The following FHOD3 variants were observed in gnomAD, a reference collection of about 807,000 sequenced individuals.
The protein encoded by FHOD3 is formin homology 2 domain containing 3.
Under a neutral mutation model 173.0 loss-of-function variants are expected in FHOD3, and 90 were observed. That is an observed-to-expected ratio of 0.52 (90% CI 0.44 to 0.62). The LOEUF (loss-of-function observed/expected upper bound fraction) is 0.62, where lower values mean the gene tolerates loss of function less well. FHOD3 is among the 20% of genes least tolerant of loss of function. FHOD3 has a pLI of 0.00. For missense variants in FHOD3, 1,945 were observed against 2,034.7 expected, an observed-to-expected ratio of 0.96 and a Z score of 0.85; for synonymous variants, 828 against 823.0, an observed-to-expected ratio of 1.01 and a Z score of -0.10.
intron 1 of FHOD3, among the ~76,000 whole-genome samples, chr18:36,350,304 C>G (rs915828208): frequency 6.6e-6 from 1 of 152,186 alleles, no homozygotes; most frequent in East Asian, 1.9e-4. Flanking sequence ...AACACCCTGC[C>G]TCCCACCAGA....
At chr18:36,369,440 AACACACACACACACACACACACACACAC>A (rs59109469) in intron 2 of FHOD3, among the ~76,000 whole-genome samples, 17 of 94,220 alleles carry the variant, frequency 1.8e-4, no homozygotes, top group East Asian at 7.1e-4. Flanking sequence ...ATTTTATTTA[AACACACACACACACACACACACACACAC>A]ACACACACAC....
chr18:36,427,806 A>G (rs1273496931), intron 3 of FHOD3, among the ~76,000 whole-genome samples: 2 of 152,244 alleles, frequency 1.3e-5, no homozygotes, highest in African/African-American at 4.8e-5. Context: ...TTCCACAAAA[A>G]TGTGATACAT....
chr18:36,650,039 G>T (rs1314273277), intron 11 of FHOD3, among the ~76,000 whole-genome samples: 1 of 152,072 alleles, frequency 6.6e-6, no homozygotes, highest in Non-Finnish European at 1.5e-5. Flanking sequence ...ACAGACATGG[G>T]CACCTTGCAG....
intron 3 of FHOD3, among the ~76,000 whole-genome samples, chr18:36,413,945 C>A (rs2049492681): frequency 6.6e-6 from 1 of 152,170 alleles, no homozygotes; most frequent in Admixed American, 6.5e-5. Flanking sequence ...AACCTCTAAT[C>A]TACCTTATGT....
intron 3 of FHOD3, among the ~76,000 whole-genome samples, chr18:36,444,331 A>G (rs1247075090): frequency 1.3e-5 from 2 of 151,868 alleles, no homozygotes; most frequent in Non-Finnish European, 2.9e-5. Flanking sequence ...TTTATTTGTA[A>G]TACAGTTAGA....
At chr18:36,430,220 A>G (rs1416116503) in intron 3 of FHOD3, among the ~76,000 whole-genome samples, 2 of 152,188 alleles carry the variant, frequency 1.3e-5, no homozygotes, top group East Asian at 1.9e-4. Context: ...CAAATAAGCC[A>G]GATTTTGTTT....
At chr18:36,671,365 G>A (rs1264089171) in intron 14 of FHOD3, among the ~76,000 whole-genome samples, 2 of 152,248 alleles carry the variant, frequency 1.3e-5, no homozygotes, top group African/African-American at 2.4e-5. Context: ...CATCTCTCAG[G>A]AATCACTGGC....
intron 7 of FHOD3, among the ~76,000 whole-genome samples, chr18:36,597,790 C>A (rs545401617): frequency 1.3e-4 from 19 of 149,420 alleles, no homozygotes; most frequent in Admixed American, 6.7e-4. Context: ...CTGTCTGCTG[C>A]TGAGCACTAG....
Position 36,779,637 on chromosome 18 carries a change from T to A in FHOD3, c.*107T>A. ...GACTTGATATTCACATCCAACAGTT[T>A]GAAAAGGGAGAGCTCAATTCCCAGC... On this transcript the variant is annotated 3_prime_UTR_variant, in exon 29 of 29. Coordinates refer to ENST00000590592, the MANE Select transcript of FHOD3 (RefSeq NM_001281740.3). 1 of 962,992 alleles carries A rather than the reference T, an allele frequency of 1.0e-6. No homozygotes were observed. The highest frequency in any genetic ancestry group is 1.6e-6 in the Non-Finnish European group (1 of 615,808). The allele number at this position is 962,992 out of a possible 1,614,324, so 59.7% of individuals were successfully genotyped here.
At chr18:36,589,431 C>T (rs1568463123) in intron 6 of FHOD3, among the ~76,000 whole-genome samples, 1 of 152,162 alleles carries the variant, frequency 6.6e-6, no homozygotes, top group Non-Finnish European at 1.5e-5. Context: ...GAACAGGACC[C>T]CAAAAGCCAT....
intron 5 of FHOD3, 128 bp from the exon 6 acceptor site, chr18:36,576,323 T>C (rs1340315471): frequency 3.7e-6 from 2 of 542,292 alleles, no homozygotes; most frequent in African/African-American, 4.0e-5. Context: ...GCTCAGGAAT[T>C]CTCCTCAGAT....
At chr18:36,680,929 A>T (rs60350277) in intron 14 of FHOD3, among the ~76,000 whole-genome samples, 11 of 152,310 alleles carry the variant, frequency 7.2e-5, no homozygotes, top group South Asian at 2.1e-4. Context: ...CACTTTTTTT[A>T]AAATTTTAGA....
At chr18:36,763,972 G>A (rs1376158299) in intron 27 of FHOD3, among the ~76,000 whole-genome samples, 1 of 152,160 alleles carries the variant, frequency 6.6e-6, no homozygotes, top group East Asian at 1.9e-4. Flanking sequence ...ATGTGGAATT[G>A]GGAGAAGAAA....
intron 1 of FHOD3, among the ~76,000 whole-genome samples, chr18:36,349,906 C>T (rs2046039663): frequency 6.6e-6 from 1 of 152,124 alleles, no homozygotes; most frequent in Non-Finnish European, 1.5e-5. Flanking sequence ...GCTGGGATTA[C>T]AGGTGTGTCA....
intron 7 of FHOD3, among the ~76,000 whole-genome samples, chr18:36,602,326 C>A (rs1314106070): frequency 6.6e-6 from 1 of 152,090 alleles, no homozygotes; most frequent in African/African-American, 2.4e-5. Context: ...AGAGTACTTA[C>A]CAAGAGTTTT....
intron 1 of FHOD3, among the ~76,000 whole-genome samples, chr18:36,335,141 G>C (rs1035848779): frequency 1.3e-5 from 2 of 152,190 alleles, no homozygotes; most frequent in Non-Finnish European, 2.9e-5. Flanking sequence ...GGCAAAAGAA[G>C]AATTGTCTTG....
intron 3 of FHOD3, among the ~76,000 whole-genome samples, chr18:36,455,955 C>T (rs1437573567): frequency 6.6e-6 from 1 of 152,134 alleles, no homozygotes; most frequent in Non-Finnish European, 1.5e-5. Flanking sequence ...GATGCCGCCC[C>T]CTAGTGCAGA....
At chr18:36,396,580 A>C (rs1363066583) in intron 3 of FHOD3, among the ~76,000 whole-genome samples, 1 of 151,848 alleles carries the variant, frequency 6.6e-6, no homozygotes, top group Admixed American at 6.6e-5. Flanking sequence ...AGTTCTGTTC[A>C]TTTCATTTCT....
intron 3 of FHOD3, among the ~76,000 whole-genome samples, chr18:36,445,118 G>C (rs1276658201): frequency 6.6e-6 from 1 of 152,166 alleles, no homozygotes; most frequent in African/African-American, 2.4e-5. Context: ...TGTAGAGATG[G>C]GCATGGGTGG....
Sources: allele counts gnomAD v4.1 joint callset (sites outside exome capture counted in the v4.1 genomes callset), GRCh38; gene constraint gnomAD v4.1.1; transcripts MANE v1.5; gene names NCBI Gene and HGNC (gene_info 2026-07-23, HGNC 2026-07-21).